GYS2: variants seen among roughly 807,000 people sequenced by gnomAD.
GYS2 encodes glycogen synthase 2.
GYS2 carries 80 observed loss-of-function variants against 85.6 expected under a neutral mutation model. The ratio of observed to expected loss-of-function variants is 0.93; its 90% CI spans 0.78 to 1.13. GYS2 has a LOEUF of 1.13. Ranked by LOEUF, GYS2 falls within the 50% of genes most tolerant of loss-of-function variation. The pLI is 0.00. For missense variants in GYS2, 881 were observed against 854.9 expected (o/e 1.03, Z -0.38); for synonymous variants, 328 against 300.7 (o/e 1.09, Z -0.94).
rs1943915812 is a variant in GYS2, at chr12:21,536,867, G to C, written c.*87C>G. The C allele has an allele frequency of 1.1e-6, 1 of 904,902 alleles. No homozygotes were observed. Among genetic ancestry groups the C allele is most frequent in the African/African-American group, 1.7e-5 (1 of 60,604 alleles). The allele number at this position is 904,902 out of a possible 1,614,324, so 56.1% of individuals were successfully genotyped here. On this transcript the variant is annotated 3_prime_UTR_variant, in exon 16 of 16. Coordinates refer to ENST00000261195, the MANE Select transcript of GYS2 (RefSeq NM_021957.4). ...AACTCCATTGTAATACTTAGAAGGA[G>C]AAAATGAAATTTGTGGCATTTTTAT...
chr12:21,562,374 G>T (rs978244062), intron 7 of GYS2, among the ~76,000 whole-genome samples: 1 of 152,080 alleles, frequency 6.6e-6, no homozygotes, highest in African/African-American at 2.4e-5. Flanking sequence ...TATGTGGCAC[G>T]TGCTACTCTG....
chr12:21,565,929 A>C (rs1944315326), intron 5 of GYS2, among the ~76,000 whole-genome samples: 1 of 152,130 alleles, frequency 6.6e-6, no homozygotes, highest in South Asian at 2.1e-4. Flanking sequence ...CAAAATCAAT[A>C]ATTGCAACAC....
At chr12:21,576,156 T>C (rs1350105839) in intron 2 of GYS2, 99 bp from the exon 3 acceptor site, 16 of 922,306 alleles carry the variant, frequency 1.7e-5, no homozygotes, top group East Asian at 1.7e-4. Flanking sequence ...TAGTACTCAA[T>C]AGCAAATTAA....
intron 1 of GYS2, among the ~76,000 whole-genome samples, chr12:21,587,931 C>T (rs569745929): frequency 6.6e-6 from 1 of 152,130 alleles, no homozygotes; most frequent in African/African-American, 2.4e-5. Flanking sequence ...AAAAGGATAA[C>T]CAGGTAGGAG....
chr12:21,560,627 GA>G, intron 7 of GYS2, 135 bp from the exon 8 acceptor site: 1 of 644,408 alleles, frequency 1.6e-6, no homozygotes, highest in South Asian at 1.8e-5. Flanking sequence ...GTTTCACAGA[GA>G]GATTATATTC....
At chr12:21,545,731 A>G (rs1944030764) in intron 12 of GYS2, among the ~76,000 whole-genome samples, 1 of 152,184 alleles carries the variant, frequency 6.6e-6, no homozygotes, top group Non-Finnish European at 1.5e-5. Context: ...GAGGGTGAAG[A>G]AGGAGGAGTT....
At chr12:21,603,190 A>G (rs563462017) in intron 1 of GYS2, among the ~76,000 whole-genome samples, 101 of 152,238 alleles carry the variant, frequency 6.6e-4, no homozygotes, top group African/African-American at 2.3e-3. Context: ...AAAAAGAAAC[A>G]ACAGAAACAG....
intron 1 of GYS2, among the ~76,000 whole-genome samples, chr12:21,598,481 T>C (rs770299630): frequency 1.3e-5 from 2 of 152,086 alleles, no homozygotes; most frequent in African/African-American, 2.4e-5. Flanking sequence ...TAGCCCTTTT[T>C]TGTCCTCCCC....
At chr12:21,597,582 T>C (rs1340220604) in intron 1 of GYS2, among the ~76,000 whole-genome samples, 1 of 152,070 alleles carries the variant, frequency 6.6e-6, no homozygotes, top group African/African-American at 2.4e-5. Flanking sequence ...GAAAAGGCAC[T>C]CGTAGGCACT....
intron 12 of GYS2, among the ~76,000 whole-genome samples, chr12:21,543,881 T>C (rs1944008283): frequency 1.3e-5 from 2 of 152,156 alleles, no homozygotes; most frequent in Admixed American, 1.3e-4. Context: ...CTGAGGATGA[T>C]GAAGAGAAAT....
chr12:21,562,534 A>G (rs1454976261), intron 7 of GYS2, among the ~76,000 whole-genome samples: 1 of 152,152 alleles, frequency 6.6e-6, no homozygotes, highest in Non-Finnish European at 1.5e-5. Flanking sequence ...TTTTCTGAAA[A>G]TTGATATTTT....
chr12:21,564,191 G>C (rs951774692), intron 5 of GYS2, among the ~76,000 whole-genome samples: 2 of 152,122 alleles, frequency 1.3e-5, no homozygotes, highest in Admixed American at 1.3e-4. Context: ...AAAAAAATGT[G>C]GCATAGGGCT....
intron 9 of GYS2, 105 bp downstream of exon 9, chr12:21,559,546 T>G: frequency 1.3e-6 from 1 of 743,442 alleles, no homozygotes; most frequent in South Asian, 1.5e-5. Flanking sequence ...AGGTTATTAA[T>G]TCCTTGATAT....
chr12:21,544,940 G>A (rs7299277), intron 12 of GYS2, among the ~76,000 whole-genome samples: 76,073 of 151,806 alleles, frequency 0.5, 21,830 homozygotes, highest in East Asian at 0.73. Flanking sequence ...TATTTTTGTA[G>A]ACTTTTAAAT....
chr12:21,592,094 C>G (rs996629111), intron 1 of GYS2, among the ~76,000 whole-genome samples: 1 of 149,382 alleles, frequency 6.7e-6, no homozygotes, highest in Middle Eastern at 3.2e-3. Flanking sequence ...AGAAAGAACT[C>G]AAACGTTACC....
intron 14 of GYS2, 42 bp downstream of exon 14, chr12:21,540,368 A>C: frequency 6.5e-7 from 1 of 1,538,054 alleles, no homozygotes; most frequent in Non-Finnish European, 9.0e-7. Flanking sequence ...AGTCCAGTGG[A>C]ATTTTTTAAG....
Position 21,540,589 on chromosome 12 carries a change from G to A in GYS2, c.1646-16C>T, listed in dbSNP as rs1286781517. The A allele has an allele frequency of 1.9e-6, 3 of 1,610,870 alleles. No homozygotes were observed. Among genetic ancestry groups the A allele is most frequent in the Non-Finnish European group, 2.5e-6 (3 of 1,177,270 alleles). On this transcript the variant is annotated splice_polypyrimidine_tract_variant and intron_variant, in intron 13 of 15. Transcript: ENST00000261195. The stretch of plus-strand genomic sequence containing the variant: ...ATGTAAATACCTGAAGAACACAAAA[G>A]CCAAAGCACAAGTAAAAGTAGGACT...
intron 4 of GYS2, among the ~76,000 whole-genome samples, chr12:21,572,394 G>A (rs1944396934): frequency 6.6e-6 from 1 of 152,126 alleles, no homozygotes. Flanking sequence ...CTGCATCAAA[G>A]ATTAAACTAT....
intron 1 of GYS2, among the ~76,000 whole-genome samples, chr12:21,590,463 T>A (rs1037829806): frequency 3.3e-5 from 5 of 152,216 alleles, no homozygotes; most frequent in African/African-American, 1.2e-4. Context: ...ACCTCCTGCA[T>A]GTGCCACCTG....
Sources: gnomAD v4.1 joint callset for allele counts (sites outside exome capture counted in the v4.1 genomes callset) on GRCh38, gnomAD v4.1.1 for gene constraint, MANE v1.5 for transcripts, NCBI Gene and HGNC (gene_info 2026-07-23, HGNC 2026-07-21) for gene names.